ROBO2: variants seen among roughly 807,000 people sequenced by gnomAD.
ROBO2 encodes roundabout homolog 2.
ROBO2 carries 53 observed loss-of-function variants against 160.8 expected under a neutral mutation model. That is an observed-to-expected ratio of 0.33 (90% CI 0.26 to 0.41). The LOEUF is 0.41. Ranked by LOEUF, ROBO2 falls within the 10% of genes least tolerant of loss-of-function variation. ROBO2 has a pLI of 1.00. For synonymous variants in ROBO2, 664 were observed against 611.7 expected, an observed-to-expected ratio of 1.09 and a Z score of -1.26; for missense variants, 1,577 against 1,722.4, an observed-to-expected ratio of 0.92 and a Z score of 1.49.
intron 2 of ROBO2, among the ~76,000 whole-genome samples, chr3:77,293,602 C>T (rs1318094080): frequency 1.4e-5 from 2 of 138,026 alleles, no homozygotes; most frequent in African/African-American, 2.9e-5. Context: ...CTAGATCACC[C>T]CAGACACAAA....
At chr3:76,692,278 T>A (rs2092818976) in intron 2 of ROBO2, among the ~76,000 whole-genome samples, 1 of 152,136 alleles carries the variant, frequency 6.6e-6, no homozygotes, top group Non-Finnish European at 1.5e-5. Context: ...GATTAGTATA[T>A]GAGAAGTCTC....
At chr3:77,146,183 G>A (rs1463221323) in intron 2 of ROBO2, among the ~76,000 whole-genome samples, 1 of 152,160 alleles carries the variant, frequency 6.6e-6, no homozygotes, top group Non-Finnish European at 1.5e-5. Context: ...AGATACACAT[G>A]TACCTCCTGC....
chr3:76,398,284 A>T (rs13065031), intron 2 of ROBO2, among the ~76,000 whole-genome samples: 26,824 of 143,748 alleles, frequency 0.19, 2,852 homozygotes, highest in African/African-American at 0.3. Context: ...ATGAGAACAC[A>T]TGGACACAGG....
rs1445981895 is a variant in ROBO2, at chr3:77,538,259, A to G, written c.935-8079A>G. Among the ~76,000 whole-genome samples the G allele has an allele frequency of 2.7e-5, 4 of 147,086 alleles. No individual in the cohort carries two copies. The Admixed American group carries it at 2.8e-4, about 10-fold the overall frequency. ...AGTGGTGCGATCTCGGCTCACTGCA[A>G]GCTCCGCCTCCCGGGTTCACGCCAT... On this transcript the variant is annotated intron_variant, in intron 6 of 25. Transcript: ENST00000461745.
chr3:75,941,167 G>A (rs1948037029), intron 2 of ROBO2, among the ~76,000 whole-genome samples: 1 of 151,942 alleles, frequency 6.6e-6, no homozygotes, highest in African/African-American at 2.4e-5. Context: ...TGTTGCCCAG[G>A]CAGGTCACGA....
intron 2 of ROBO2, among the ~76,000 whole-genome samples, chr3:76,940,074 C>T (rs943158751): frequency 6.6e-6 from 1 of 151,166 alleles, no homozygotes; most frequent in Non-Finnish European, 1.5e-5. Flanking sequence ...CTCCGCCTCC[C>T]GGGTTCACAC....
At chr3:77,429,555 G>C (rs1031773256) in intron 2 of ROBO2, among the ~76,000 whole-genome samples, 3 of 151,702 alleles carry the variant, frequency 2.0e-5, no homozygotes, top group African/African-American at 7.3e-5. Context: ...TATGTCCATG[G>C]ATCTTTGGGT....
intron 2 of ROBO2, among the ~76,000 whole-genome samples, chr3:76,713,219 A>C (rs192555650): frequency 1.6e-4 from 24 of 152,292 alleles, no homozygotes; most frequent in Non-Finnish European, 3.4e-4. Context: ...TGACTTCTTA[A>C]TTGAGAATTT....
At chr3:76,866,854 C>T (rs529718552) in intron 2 of ROBO2, among the ~76,000 whole-genome samples, 32 of 152,196 alleles carry the variant, frequency 2.1e-4, no homozygotes, top group African/African-American at 7.7e-4. Context: ...AGTAGACACA[C>T]CTGCACATCT....
chr3:76,824,700 G>C lies in ROBO2; in HGVS notation c.110-273314G>C, dbSNP rs149128313. Among the ~76,000 whole-genome samples, 79 of 152,238 alleles carry C rather than the reference G, an allele frequency of 5.2e-4. No individual in the cohort carries two copies. In the East Asian group the frequency reaches 0.01, roughly 20 times the overall value. On this transcript the variant is annotated intron_variant, in intron 2 of 26. Coordinates refer to the ROBO2 transcript ENST00000487694. ...CTAACTAGATTTTACACACTAAGGG[G>C]TAAAGAGAATTCCAAAGAATTCAGG...
intron 2 of ROBO2, among the ~76,000 whole-genome samples, chr3:76,622,970 T>G (rs1203444547): frequency 6.6e-6 from 1 of 152,178 alleles, no homozygotes; most frequent in African/African-American, 2.4e-5. Context: ...TCAGCCATGC[T>G]CCACAGATCT....
intron 22 of ROBO2, among the ~76,000 whole-genome samples, chr3:77,618,594 T>C (rs2094832130): frequency 6.6e-6 from 1 of 152,128 alleles, no homozygotes; most frequent in Admixed American, 6.5e-5. Flanking sequence ...GTGCTTGAAG[T>C]CTGAGTAAAT....
At chr3:77,622,695 G>T (rs148478535) in intron 23 of ROBO2, among the ~76,000 whole-genome samples, 70 of 152,220 alleles carry the variant, frequency 4.6e-4, no homozygotes, top group Non-Finnish European at 9.6e-4. Flanking sequence ...TTCATGAGAA[G>T]TTCACTCTAC....
intron 2 of ROBO2, among the ~76,000 whole-genome samples, chr3:76,063,465 C>T (rs924447506): frequency 2.0e-5 from 3 of 151,488 alleles, no homozygotes; most frequent in Admixed American, 1.3e-4. Context: ...CCACCTCAGA[C>T]CCCTGGGTAG....
chr3:76,000,091 G>C (rs890142336), intron 2 of ROBO2, among the ~76,000 whole-genome samples: 1 of 152,138 alleles, frequency 6.6e-6, no homozygotes, highest in Non-Finnish European at 1.5e-5. Context: ...ACGTGGCTGG[G>C]ATAGCCTCAC....
At chr3:77,577,436 T>G in intron 14 of ROBO2, 54 bp from the exon 16 acceptor site, 1 of 1,611,932 alleles carries the variant, frequency 6.2e-7, no homozygotes, top group Admixed American at 1.7e-5. Flanking sequence ...GAAAGTAGCA[T>G]GAACGCACAC....
At chr3:77,441,318 A>G (rs903505585) in intron 2 of ROBO2, among the ~76,000 whole-genome samples, 16 of 151,600 alleles carry the variant, frequency 1.1e-4, no homozygotes, top group Admixed American at 6.6e-4. Context: ...ATACTAGATC[A>G]GGGTGGGTTG....
At chr3:76,524,515 T>G (rs986825780) in intron 2 of ROBO2, among the ~76,000 whole-genome samples, 1 of 151,950 alleles carries the variant, frequency 6.6e-6, no homozygotes, top group Non-Finnish European at 1.5e-5. Context: ...TACTTAACTA[T>G]AATGGTTTGG....
At chr3:76,388,420 C>T (rs554234451) in intron 2 of ROBO2, among the ~76,000 whole-genome samples, 37 of 152,000 alleles carry the variant, frequency 2.4e-4, no homozygotes, top group African/African-American at 6.3e-4. Context: ...TACAGGCACC[C>T]GCCGCCACGC....
Sources: allele counts gnomAD v4.1 joint callset (sites outside exome capture counted in the v4.1 genomes callset), GRCh38; gene constraint gnomAD v4.1.1; transcripts MANE v1.5; gene names NCBI Gene and HGNC (gene_info 2026-07-23, HGNC 2026-07-21).